CFAP70: variants seen among roughly 807,000 people sequenced by gnomAD.
CFAP70 encodes cilia and flagella associated protein 70.
Under a neutral mutation model 137.6 loss-of-function variants are expected in CFAP70, and 81 were observed. The observed-to-expected ratio is 0.59, with a 90% CI of 0.49 to 0.71. The LOEUF (loss-of-function observed/expected upper bound fraction) is 0.71, where lower values mean the gene tolerates loss of function less well. Ranked by LOEUF, CFAP70 falls within the 30% of genes least tolerant of loss-of-function variation. The pLI, the probability that CFAP70 is intolerant of heterozygous loss-of-function variation, is 0.00. For synonymous variants in CFAP70, 382 were observed against 423.6 expected (o/e 0.90, Z 1.20); for missense variants, 976 against 1,226.7 (o/e 0.80, Z 3.05).
At chr10:73,276,109 T>TTG (rs1200771644) in intron 21 of CFAP70, 1 of 151,972 alleles carries the variant, frequency 6.6e-6, no homozygotes, top group African/African-American at 2.4e-5. Context: ...TATTTTGTTT[T>TTG]TTTTTTTTTC....
At chr10:73,331,139 C>T (rs1324723865) in intron 8 of CFAP70, 38 bp downstream of exon 9, 1 of 1,452,788 alleles carries the variant, frequency 6.9e-7, no homozygotes, top group East Asian at 2.3e-5. Flanking sequence ...TCTGATTCTA[C>T]ATTTCTTATA....
intron 4 of CFAP70, chr10:73,345,130 A>G: frequency 6.2e-7 from 1 of 1,614,208 alleles, no homozygotes; most frequent in South Asian, 1.1e-5. Context: ...GGAATGAAGG[A>G]TTCAGGCACA....
At chr10:73,254,740 A>T (rs2044298902) in intron 26 of CFAP70, among the ~76,000 whole-genome samples, 1 of 152,016 alleles carries the variant, frequency 6.6e-6, no homozygotes, top group Admixed American at 6.6e-5. Context: ...TTTTCCCCTT[A>T]TTGTTCTTTA....
intron 6 of CFAP70, among the ~76,000 whole-genome samples, chr10:73,338,292 G>A (rs2052892360): frequency 6.6e-6 from 1 of 151,678 alleles, no homozygotes; most frequent in Non-Finnish European, 1.5e-5. Context: ...CTGGGATTCA[G>A]GCGCACACCA....
intron 8 of CFAP70, among the ~76,000 whole-genome samples, chr10:73,328,722 A>G (rs1279219102): frequency 1.3e-5 from 2 of 148,864 alleles, no homozygotes; most frequent in Non-Finnish European, 3.0e-5. Flanking sequence ...TTATGCAGCC[A>G]AAAAACACAT....
chr10:73,361,650 C>A (rs1245342177), upstream of CFAP70, among the ~76,000 whole-genome samples: 2 of 152,054 alleles, frequency 1.3e-5, no homozygotes, highest in South Asian at 2.1e-4. Context: ...AATTTGAATG[C>A]CTTAGTCTGA....
exon 14 of CFAP70, chr10:73,299,052 A>C (rs755402751): frequency 6.2e-7 from 1 of 1,614,032 alleles, no homozygotes; most frequent in Non-Finnish European, 8.5e-7. Flanking sequence ...GTATTCATCT[A>C]GAATGGCTCT....
intron 12 of CFAP70, among the ~76,000 whole-genome samples, chr10:73,307,617 T>C (rs941408304): frequency 2.6e-5 from 4 of 151,894 alleles, no homozygotes; most frequent in African/African-American, 9.7e-5. Context: ...AAGAGACAAA[T>C]AAGGACATTA....
intron 25 of CFAP70, among the ~76,000 whole-genome samples, chr10:73,267,977 T>G (rs1259037294): frequency 6.6e-6 from 1 of 152,250 alleles, no homozygotes; most frequent in Non-Finnish European, 1.5e-5. Flanking sequence ...ATGATTCTTA[T>G]GTTTCAAATC....
chr10:73,323,338 G>GGC (rs200409810), intron 8 of CFAP70, among the ~76,000 whole-genome samples: 6,120 of 127,264 alleles, frequency 0.048, 422 homozygotes, highest in African/African-American at 0.16. Context: ...GGGCGGGGGG[G>GGC]GGGCAGCCAA....
At chr10:73,287,197 C>T (rs2047790928) in intron 19 of CFAP70, among the ~76,000 whole-genome samples, 1 of 152,148 alleles carries the variant, frequency 6.6e-6, no homozygotes, top group South Asian at 2.1e-4. Flanking sequence ...AATCAGAGAA[C>T]AGTAAACTAT....
intron 6 of CFAP70, among the ~76,000 whole-genome samples, chr10:73,338,856 T>G (rs541146855): frequency 6.6e-6 from 1 of 152,066 alleles, no homozygotes; most frequent in Non-Finnish European, 1.5e-5. Flanking sequence ...GACTTGAGTA[T>G]GCACGAATTT....
At chr10:73,261,730 C>T (rs1248834970) in intron 25 of CFAP70, among the ~76,000 whole-genome samples, 1 of 151,988 alleles carries the variant, frequency 6.6e-6, no homozygotes, top group Non-Finnish European at 1.5e-5. Context: ...TGGTCTCAAA[C>T]TCCCAGGCTC....
At chr10:73,288,685 T>C (rs1359180012) in intron 19 of CFAP70, among the ~76,000 whole-genome samples, 1 of 152,160 alleles carries the variant, frequency 6.6e-6, no homozygotes, top group Admixed American at 6.5e-5. Context: ...TTCCCACCAC[T>C]TCTGGATTGG....
chr10:73,290,174 G>A (rs952012609), intron 19 of CFAP70, among the ~76,000 whole-genome samples: 2 of 152,080 alleles, frequency 1.3e-5, no homozygotes, highest in African/African-American at 4.8e-5. Context: ...TCCATACAAT[G>A]GAATACTACT....
intron 1 of CFAP70, 147 bp downstream of exon 1, chr10:73,358,631 G>A (rs948800167): frequency 2.0e-5 from 3 of 152,546 alleles, no homozygotes; most frequent in Non-Finnish European, 4.4e-5. Flanking sequence ...CAGAAGATCG[G>A]GGTGACGGCT....
chr10:73,345,143 G>A, intron 4 of CFAP70: 2 of 1,614,220 alleles, frequency 1.2e-6, no homozygotes, highest in Non-Finnish European at 1.7e-6. Flanking sequence ...CAGGCACAGA[G>A]TAAGCAGCCT....
intron 5 of CFAP70, among the ~76,000 whole-genome samples, chr10:73,343,995 C>T (rs1018967145): frequency 1.5e-4 from 23 of 149,728 alleles, no homozygotes; most frequent in Admixed American, 1.1e-3. Context: ...GCGTTTCACT[C>T]GTTGCCCAGG....
At chr10:73,286,704 A>G (rs188915713) in intron 19 of CFAP70, among the ~76,000 whole-genome samples, 1 of 152,322 alleles carries the variant, frequency 6.6e-6, no homozygotes, top group Non-Finnish European at 1.5e-5. Flanking sequence ...ACACACACAC[A>G]GAAATATAGA....
Sources: gnomAD v4.1 joint callset for allele counts (sites outside exome capture counted in the v4.1 genomes callset) on GRCh38, gnomAD v4.1.1 for gene constraint, MANE v1.5 for transcripts, NCBI Gene and HGNC (gene_info 2026-07-23, HGNC 2026-07-21) for gene names.